The following CELF4 variants were observed in gnomAD, a reference collection of about 807,000 sequenced individuals.
The protein encoded by CELF4 is CUG-BP- and ETR-3-like factor 4.
Under a neutral mutation model 59.9 loss-of-function variants are expected in CELF4, and 18 were observed. The observed-to-expected ratio is 0.30, with a 90% CI of 0.21 to 0.45. The LOEUF (loss-of-function observed/expected upper bound fraction) is 0.45, where lower values mean the gene tolerates loss of function less well. Among genes scored for constraint, CELF4 ranks in the 20% least tolerant of loss-of-function variants. CELF4 has a pLI of 1.00. For synonymous variants in CELF4, 261 were observed against 267.1 expected (o/e 0.98, Z 0.22); for missense variants, 456 against 689.0 (o/e 0.66, Z 3.79).
At chr18:37,264,378 G>A (rs1327336975) in intron 10 of CELF4, among the ~76,000 whole-genome samples, 1 of 152,262 alleles carries the variant, frequency 6.6e-6, no homozygotes, top group East Asian at 1.9e-4. Context: ...TGATTGAGGG[G>A]AGTAGGAAAG....
chr18:37,360,474 A>C (rs1025720728), intron 2 of CELF4, among the ~76,000 whole-genome samples: 20 of 152,220 alleles, frequency 1.3e-4, no homozygotes, highest in African/African-American at 4.8e-4. Context: ...ACGAGTGAGC[A>C]CTTACTGTGT....
At position 37,553,326 on chromosome 18, in the gene CELF4, A is replaced by G. The variant is rs138696745; in HGVS notation, c.286+12030T>C. ...CTGGACCGGGGTGGTGAGTGTACCA[A>G]TTGATCACTAATCTGTGGGTTCTCC... On this transcript the variant is annotated intron_variant, in intron 1 of 12. Transcript: ENST00000420428. Among the ~76,000 whole-genome samples the G allele has an allele frequency of 1.6e-4, 24 of 152,280 alleles. No individual in the cohort carries two copies. In the East Asian group the frequency reaches 4.1e-3, roughly 26 times the overall value.
intron 2 of CELF4, among the ~76,000 whole-genome samples, chr18:37,417,864 G>A (rs2099541947): frequency 6.6e-6 from 1 of 152,208 alleles, no homozygotes; most frequent in South Asian, 2.1e-4. Context: ...CCACAAAGGG[G>A]TGGGGTAAGA....
intron 2 of CELF4, among the ~76,000 whole-genome samples, chr18:37,327,144 T>C (rs2097345376): frequency 6.6e-6 from 1 of 152,114 alleles, no homozygotes; most frequent in Non-Finnish European, 1.5e-5. Flanking sequence ...GCCAAGCTGC[T>C]CTTTCCTGAC....
chr18:37,555,495 C>G (rs527791833), intron 1 of CELF4, among the ~76,000 whole-genome samples: 24 of 152,242 alleles, frequency 1.6e-4, no homozygotes, highest in African/African-American at 4.3e-4. Flanking sequence ...AAAGCTCTCC[C>G]AAGATCTTCG....
chr18:37,397,580 C>T (rs2099260899), intron 2 of CELF4, among the ~76,000 whole-genome samples: 1 of 152,128 alleles, frequency 6.6e-6, no homozygotes, highest in Admixed American at 6.5e-5. Flanking sequence ...GCTGGGCAGG[C>T]TGGGCTCTGA....
chr18:37,456,984 C>G (rs2099780143), intron 2 of CELF4, among the ~76,000 whole-genome samples: 1 of 152,126 alleles, frequency 6.6e-6, no homozygotes, highest in Non-Finnish European at 1.5e-5. Flanking sequence ...CTCTCCCAGG[C>G]TTTCTGTCAC....
chr18:37,520,999 G>A (rs979642047), intron 1 of CELF4, among the ~76,000 whole-genome samples: 1 of 151,446 alleles, frequency 6.6e-6, no homozygotes. Context: ...GGGTCCCTCA[G>A]GATCCTTTCA....
At chr18:37,473,967 G>C (rs1391027434) in intron 2 of CELF4, 2 of 152,226 alleles carry the variant, frequency 1.3e-5, no homozygotes, top group East Asian at 3.9e-4. Flanking sequence ...TCCTGGAGAG[G>C]GGACCTCTTG....
chr18:37,438,893 A>C (rs193263309), intron 2 of CELF4, among the ~76,000 whole-genome samples: 163 of 152,218 alleles, frequency 1.1e-3, no homozygotes, highest in African/African-American at 3.7e-3. Flanking sequence ...TGAAAGGATT[A>C]GGTTAGGATT....
At chr18:37,297,226 A>T (rs2095703032) in intron 3 of CELF4, among the ~76,000 whole-genome samples, 1 of 152,144 alleles carries the variant, frequency 6.6e-6, no homozygotes, top group African/African-American at 2.4e-5. Flanking sequence ...TATCAGTGAA[A>T]TGTAGCAGGT....
chr18:37,282,488 G>A (rs1042051390), intron 3 of CELF4, among the ~76,000 whole-genome samples: 14 of 152,184 alleles, frequency 9.2e-5, no homozygotes, highest in African/African-American at 3.1e-4. Flanking sequence ...CTACATCTGT[G>A]CAGTTTTCAA....
At chr18:37,450,020 G>A (rs1190473297) in intron 2 of CELF4, among the ~76,000 whole-genome samples, 3 of 152,194 alleles carry the variant, frequency 2.0e-5, no homozygotes, top group African/African-American at 4.8e-5. Flanking sequence ...GAGGGACACA[G>A]GGTTTTCCCA....
intron 1 of CELF4, among the ~76,000 whole-genome samples, chr18:37,538,213 A>G (rs1444902989): frequency 1.3e-5 from 2 of 152,168 alleles, no homozygotes; most frequent in Non-Finnish European, 2.9e-5. Context: ...TGCTCTCTGT[A>G]CTGTGTGCCT....
intron 1 of CELF4, among the ~76,000 whole-genome samples, chr18:37,546,378 G>A (rs1445981422): frequency 4.0e-5 from 6 of 149,526 alleles, no homozygotes; most frequent in South Asian, 2.1e-4. Flanking sequence ...TTGCACCCAC[G>A]CACATGTATG....
At chr18:37,424,170 C>T (rs2099597819) in intron 2 of CELF4, among the ~76,000 whole-genome samples, 1 of 152,148 alleles carries the variant, frequency 6.6e-6, no homozygotes, top group African/African-American at 2.4e-5. Flanking sequence ...CCTGCAAGGG[C>T]CTGATTTGCT....
At chr18:37,341,784 G>A (rs2098050695) in intron 2 of CELF4, among the ~76,000 whole-genome samples, 1 of 152,168 alleles carries the variant, frequency 6.6e-6, no homozygotes, top group Non-Finnish European at 1.5e-5. Flanking sequence ...GCTCCTAGGA[G>A]CTAGGATGGT....
At chr18:37,428,935 G>A (rs554786807) in intron 2 of CELF4, among the ~76,000 whole-genome samples, 24 of 152,284 alleles carry the variant, frequency 1.6e-4, no homozygotes, top group African/African-American at 4.1e-4. Flanking sequence ...GTGACCCTTC[G>A]AGGGCATGGA....
chr18:37,284,009 T>TATAG, intron 3 of CELF4, among the ~76,000 whole-genome samples: 1 of 42,984 alleles, frequency 2.3e-5, no homozygotes, highest in Non-Finnish European at 4.8e-5. Flanking sequence ...ACCCAACCAC[T>TATAG]CAACATGCAC....
Sources: gnomAD v4.1 joint callset for allele counts (sites outside exome capture counted in the v4.1 genomes callset) on GRCh38, gnomAD v4.1.1 for gene constraint, MANE v1.5 for transcripts, NCBI Gene and HGNC (gene_info 2026-07-23, HGNC 2026-07-21) for gene names.